VPS13B: variants seen among roughly 807,000 people sequenced by gnomAD.
VPS13B encodes vacuolar protein sorting 13 homolog B.
In VPS13B, 285 loss-of-function variants were observed where a neutral mutation model predicts 426.4. The ratio of observed to expected loss-of-function variants is 0.67; its 90% CI spans 0.61 to 0.74. VPS13B has a LOEUF of 0.74. VPS13B is among the 30% of genes least tolerant of loss of function. VPS13B has a pLI of 0.00. For missense variants in VPS13B, 4,537 were observed against 4,782.6 expected, an observed-to-expected ratio of 0.95 and a Z score of 1.51; for synonymous variants, 1,676 against 1,676.4, an observed-to-expected ratio of 1.00 and a Z score of 0.01.
intron 19 of VPS13B, among the ~76,000 whole-genome samples, chr8:99,277,639 T>G (rs1014975636): frequency 6.6e-6 from 1 of 152,184 alleles, no homozygotes; most frequent in Non-Finnish European, 1.5e-5. Flanking sequence ...TAAATTTCTC[T>G]CTCTGTCTCC....
chr8:99,340,857 CT>C, intron 19 of VPS13B: 1 of 314,204 alleles, frequency 3.2e-6, no homozygotes, highest in Non-Finnish European at 6.6e-6. Flanking sequence ...GGCTTTGTGC[CT>C]TTTGTGGGTG....
At chr8:99,871,786 T>A in intron 61 of VPS13B, 89 bp downstream of exon 61, 1 of 1,601,102 alleles carries the variant, frequency 6.2e-7, no homozygotes, top group South Asian at 1.1e-5. Flanking sequence ...ATTTCTGAGC[T>A]GCAGCCTCTG....
intron 22 of VPS13B, among the ~76,000 whole-genome samples, chr8:99,441,904 A>ATATGTATAT (rs1817696663): frequency 1.3e-5 from 2 of 152,172 alleles, no homozygotes; most frequent in African/African-American, 4.8e-5. Flanking sequence ...TATGTGATAT[A>ATATGTATAT]AACATGTTCT....
chr8:99,545,038 CA>C (rs2133738879), intron 30 of VPS13B, among the ~76,000 whole-genome samples: 1 of 152,240 alleles, frequency 6.6e-6, no homozygotes, highest in East Asian at 1.9e-4. Context: ...ACAACTATAT[CA>C]AAACAATATA....
chr8:99,591,899 G>A (rs921220329), intron 33 of VPS13B, among the ~76,000 whole-genome samples: 2 of 152,102 alleles, frequency 1.3e-5, no homozygotes, highest in East Asian at 1.9e-4. Context: ...ATGTTGGCCT[G>A]CCTTGCTAGG....
chr8:99,828,344 T>C (rs879615736), intron 51 of VPS13B, among the ~76,000 whole-genome samples: 1 of 151,358 alleles, frequency 6.6e-6, no homozygotes, highest in Non-Finnish European at 1.5e-5. Context: ...TCTTTTTTGA[T>C]CTTTGTTGGT....
chr8:99,806,443 C>T (rs1813405483), intron 43 of VPS13B, among the ~76,000 whole-genome samples: 1 of 152,216 alleles, frequency 6.6e-6, no homozygotes, highest in Non-Finnish European at 1.5e-5. Flanking sequence ...CAGACCCTTC[C>T]TTAACTGGAC....
intron 17 of VPS13B, among the ~76,000 whole-genome samples, chr8:99,222,122 G>C (rs1815756838): frequency 6.6e-6 from 1 of 152,278 alleles, no homozygotes; most frequent in African/African-American, 2.4e-5. Context: ...AGGATGACCT[G>C]TAGGCCGTAA....
intron 17 of VPS13B, among the ~76,000 whole-genome samples, chr8:99,215,665 T>A (rs943909585): frequency 5.9e-5 from 9 of 152,114 alleles, no homozygotes; most frequent in Non-Finnish European, 1.0e-4. Flanking sequence ...AACAAAAAAA[T>A]ACACTAATAT....
At chr8:99,266,444 T>G (rs572218114) in intron 17 of VPS13B, among the ~76,000 whole-genome samples, 2 of 152,050 alleles carry the variant, frequency 1.3e-5, no homozygotes, top group Admixed American at 1.3e-4. Context: ...GGTTTAATGG[T>G]GCACCACAGG....
At chr8:99,277,049 T>C (rs958904414) in intron 19 of VPS13B, among the ~76,000 whole-genome samples, 4 of 152,122 alleles carry the variant, frequency 2.6e-5, no homozygotes, top group Non-Finnish European at 4.4e-5. Flanking sequence ...TTTTTGTTTT[T>C]AACTTTTTAT....
intron 2 of VPS13B, among the ~76,000 whole-genome samples, chr8:99,030,135 C>T (rs1404529956): frequency 5.2e-4 from 39 of 75,716 alleles, no homozygotes; most frequent in South Asian, 1.3e-3. Flanking sequence ...AAAATACATG[C>T]TTTTTTTTTT....
rs777142337 is a variant in VPS13B, at chr8:99,642,430, A to G, written c.5840A>G (p.Lys1947Arg). Reference protein sequence around the residue: ...PSLLLSCHHRKQRVEVSIFDA... With the variant: ...PSLLLSCHHRRQRVEVSIFDA... ...TTGCTTCTGAGTTGTCACCACAGAA[A>G]GCAGCGAGTGGAAGTATCCATTTTT... Residue 1947 changes from lysine to arginine, a missense_variant, in exon 34 of 62, where the codon AAG becomes AGG. Physicochemically the swap from Lys to Arg is conservative, Grantham distance 26. Around this residue, in one of 2 missense-constraint regions of VPS13B, gnomAD observed 4,311 missense variants for 4,474.3 expected, o/e 0.96. Transcript: ENST00000357162. The G allele has an allele frequency of 5.6e-6, 9 of 1,614,008 alleles. No individual in the cohort carries two copies. Among genetic ancestry groups the G allele is most frequent in the African/African-American group, 2.7e-5 (2 of 74,938 alleles).
chr8:99,765,875 T>G (rs1407166492), intron 39 of VPS13B, among the ~76,000 whole-genome samples: 2 of 152,156 alleles, frequency 1.3e-5, no homozygotes, highest in Non-Finnish European at 2.9e-5. Flanking sequence ...TATTATAACA[T>G]TTTAAAAATA....
At chr8:99,451,789 A>G (rs1444756132) in intron 23 of VPS13B, among the ~76,000 whole-genome samples, 4 of 152,206 alleles carry the variant, frequency 2.6e-5, no homozygotes, top group Non-Finnish European at 4.4e-5. Context: ...AAGAAGTATT[A>G]AAGAATGAAG....
chr8:99,274,543 G>A (rs1171666438), intron 18 of VPS13B, among the ~76,000 whole-genome samples: 2 of 108,742 alleles, frequency 1.8e-5, no homozygotes, highest in Non-Finnish European at 4.2e-5. Context: ...TTAGTTTTAT[G>A]AATGGTTATG....
intron 32 of VPS13B, among the ~76,000 whole-genome samples, chr8:99,576,070 A>G (rs1431343550): frequency 1.3e-5 from 2 of 152,150 alleles, no homozygotes; most frequent in African/African-American, 4.8e-5. Context: ...AGCTACCCAG[A>G]TTGTTATGCA....
intron 51 of VPS13B, among the ~76,000 whole-genome samples, chr8:99,829,414 A>C (rs770430132): frequency 6.6e-6 from 1 of 152,036 alleles, no homozygotes; most frequent in Non-Finnish European, 1.5e-5. Context: ...TATGCTTCTC[A>C]AAGTTCTCGT....
intron 16 of VPS13B, among the ~76,000 whole-genome samples, chr8:99,177,933 A>T (rs1812724264): frequency 6.6e-6 from 1 of 152,204 alleles, no homozygotes; most frequent in African/African-American, 2.4e-5. Context: ...TAGTGACAGC[A>T]TTTTAAAAAA....
Sources: gnomAD v4.1 joint callset for allele counts (sites outside exome capture counted in the v4.1 genomes callset) on GRCh38, gnomAD v4.1.1 for gene constraint, gnomAD v4.1.1 regional missense constraint, MANE v1.5 for transcripts, NCBI Gene and HGNC (gene_info 2026-07-23, HGNC 2026-07-21) for gene names.